Variants in GSTA4 observed in about 807,000 individuals in gnomAD.
The protein encoded by GSTA4 is glutathione S-transferase A4.
Under a neutral mutation model 24.4 loss-of-function variants are expected in GSTA4, and 15 were observed. That is an observed-to-expected ratio of 0.61 (90% CI 0.41 to 0.95). GSTA4 has a LOEUF of 0.95. Ranked by LOEUF, GSTA4 falls within the 40% of genes least tolerant of loss-of-function variation. The probability of loss-of-function intolerance (pLI) is 0.00; values close to 1 mark genes in which losing one functional copy is unlikely to be tolerated. For synonymous variants in GSTA4, 92 were observed against 94.2 expected (o/e 0.98, Z 0.13); for missense variants, 244 against 262.1 (o/e 0.93, Z 0.48).
chr6:52,984,381 T>C (rs1012285833), intron 5 of GSTA4, 83 bp downstream of exon 5: 7 of 1,318,160 alleles, frequency 5.3e-6, no homozygotes, highest in Middle Eastern at 1.9e-4. Context: ...TTAAAATCCT[T>C]GGACAGAAAA....
In GSTA4 at chr6:52,978,333, G is replaced by A. The variant is rs367836; in HGVS notation, c.*137C>T. On this transcript the variant is annotated 3_prime_UTR_variant, in exon 7 of 7. Coordinates refer to ENST00000370963, the MANE Select transcript of GSTA4 (RefSeq NM_001512.4). ...TGATATTTCTAGAAGAGATGATCTCGTTGACACAAAAGACCCAACTTAGGA... is the reference window on the plus strand; with the variant it reads ...TGATATTTCTAGAAGAGATGATCTCATTGACACAAAAGACCCAACTTAGGA... 4.9e-5 allele frequency: 39 copies of A among 801,830 alleles called. No homozygotes were observed. In the East Asian group the frequency reaches 9.9e-4, roughly 20 times the overall value. The allele number at this position is 801,830 out of a possible 1,614,324, so 49.7% of individuals were successfully genotyped here.
At chr6:52,981,810 G>A (rs777473530) in intron 6 of GSTA4, among the ~76,000 whole-genome samples, 12 of 151,844 alleles carry the variant, frequency 7.9e-5, no homozygotes, top group Non-Finnish European at 1.3e-4. Flanking sequence ...GAATATTGAA[G>A]TCATTAAATG....
chr6:52,983,040 A>T (rs1408812300), intron 5 of GSTA4, among the ~76,000 whole-genome samples: 1 of 152,198 alleles, frequency 6.6e-6, no homozygotes. Context: ...GGTGTTTTGA[A>T]AGGATATATC....
intron 6 of GSTA4, among the ~76,000 whole-genome samples, chr6:52,978,844 T>C (rs1763394861): frequency 6.6e-6 from 1 of 152,068 alleles, no homozygotes. Context: ...TCTCATAATG[T>C]TATAAGAAAG....
intron 5 of GSTA4, 73 bp from the exon 6 acceptor site, chr6:52,982,778 G>A: frequency 8.6e-7 from 1 of 1,160,964 alleles, no homozygotes; most frequent in East Asian, 2.4e-5. Flanking sequence ...AATCAGTGCA[G>A]TATCTGAGAA....
intron 2 of GSTA4, 156 bp downstream of exon 2, chr6:52,994,000 AG>A (rs777076302): frequency 5.7e-6 from 4 of 704,882 alleles, no homozygotes; most frequent in Non-Finnish European, 1.0e-5. Context: ...CTAATTATAA[AG>A]AAAAATCCCT....
At chr6:52,981,546 T>C (rs1055115995) in intron 6 of GSTA4, among the ~76,000 whole-genome samples, 8 of 152,350 alleles carry the variant, frequency 5.3e-5, no homozygotes, top group Non-Finnish European at 8.8e-5. Flanking sequence ...TACTAGAATT[T>C]GAATTTCATA....
chr6:52,978,243 C>G lies in GSTA4; in HGVS notation c.*227G>C. 2.1e-6 allele frequency: 1 copy of G among 485,240 alleles called. No homozygotes were observed. Among genetic ancestry groups the G allele is most frequent in the Non-Finnish European group, 3.6e-6 (1 of 277,060 alleles). 30.1% of individuals were successfully genotyped at this position (485,240 alleles called of 1,614,324 possible). A position where few individuals can be genotyped will look rare whatever the true frequency, so the allele number is the denominator to read the frequency against. On this transcript the variant is annotated 3_prime_UTR_variant, in exon 7 of 7. Transcript: ENST00000370963. ...AGCCCAATCAGATCTAACTTAAATACCAGCCTCTCCAAAAAAGTTTTCCAA... is the reference window on the plus strand; with the variant it reads ...AGCCCAATCAGATCTAACTTAAATAGCAGCCTCTCCAAAAAAGTTTTCCAA...
At chr6:52,993,931 A>C (rs1763711334) in intron 2 of GSTA4, 3 of 637,090 alleles carry the variant, frequency 4.7e-6, no homozygotes, top group Admixed American at 2.2e-5. Context: ...CTGGTGCTAG[A>C]TCAGAAGCCA....
At chr6:52,986,817 C>A (rs945610937) in intron 3 of GSTA4, among the ~76,000 whole-genome samples, 1 of 152,190 alleles carries the variant, frequency 6.6e-6, no homozygotes, top group African/African-American at 2.4e-5. Context: ...GGTTGATGGG[C>A]GCATTCTTTA....
At chr6:52,982,487 C>CAA (rs1763470255) in intron 6 of GSTA4, 87 bp downstream of exon 6, 2 of 918,428 alleles carry the variant, frequency 2.2e-6, no homozygotes, top group African/African-American at 3.4e-5. Context: ...CACACACACA[C>CAA]ACACTCCCCA....
intron 2 of GSTA4, among the ~76,000 whole-genome samples, chr6:52,990,881 A>G (rs1763647600): frequency 6.6e-6 from 1 of 152,220 alleles, no homozygotes; most frequent in South Asian, 2.1e-4. Context: ...GAGGTGGGGC[A>G]GTCCTTATTC....
chr6:52,981,643 A>G (rs1017256612), intron 6 of GSTA4, among the ~76,000 whole-genome samples: 3 of 152,228 alleles, frequency 2.0e-5, no homozygotes, highest in Non-Finnish European at 4.4e-5. Flanking sequence ...CACAAGCTGT[A>G]TAAAAACAGG....
chr6:52,984,346 T>C, intron 5 of GSTA4, 118 bp downstream of exon 5: 1 of 897,374 alleles, frequency 1.1e-6, no homozygotes, highest in East Asian at 2.4e-5. Flanking sequence ...CATTAGCGCT[T>C]AGGTTAGTTC....
At chr6:52,988,573 T>A (rs1235021549) in intron 2 of GSTA4, among the ~76,000 whole-genome samples, 1 of 152,164 alleles carries the variant, frequency 6.6e-6, no homozygotes, top group Non-Finnish European at 1.5e-5. Context: ...ATATTCAGGA[T>A]GTGGGACCTT....
At chr6:52,987,650 G>A in intron 2 of GSTA4, 2 of 408,878 alleles carry the variant, frequency 4.9e-6, no homozygotes, top group Non-Finnish European at 4.4e-6. Flanking sequence ...AGTGTAGAGA[G>A]GAATGGGATG....
intron 3 of GSTA4, among the ~76,000 whole-genome samples, chr6:52,986,534 T>C (rs773029904): frequency 8.5e-5 from 13 of 152,200 alleles, no homozygotes; most frequent in African/African-American, 1.2e-4. Flanking sequence ...AAACAACCCA[T>C]TGTTTTATTT....
intron 5 of GSTA4, among the ~76,000 whole-genome samples, chr6:52,983,558 C>A: frequency 6.6e-6 from 1 of 152,186 alleles, no homozygotes; most frequent in Non-Finnish European, 1.5e-5. Context: ...GGCCATGTTA[C>A]CTTGGACAGG....
chr6:52,991,377 T>G (rs1360537451), intron 2 of GSTA4, among the ~76,000 whole-genome samples: 2 of 152,146 alleles, frequency 1.3e-5, no homozygotes, highest in Non-Finnish European at 2.9e-5. Flanking sequence ...GGATTGGGGT[T>G]GATATCACAG....
Sources: allele counts gnomAD v4.1 joint callset (sites outside exome capture counted in the v4.1 genomes callset), GRCh38; gene constraint gnomAD v4.1.1; transcripts MANE v1.5; gene names NCBI Gene and HGNC (gene_info 2026-07-23, HGNC 2026-07-21).